POP1: variants seen among roughly 807,000 people sequenced by gnomAD.
POP1 encodes the protein POP1 ribonuclease P/MRP subunit.
A neutral mutation model predicts 102.2 loss-of-function variants in POP1; 75 were observed. That is an observed-to-expected ratio of 0.73 (90% CI 0.61 to 0.89). The LOEUF (loss-of-function observed/expected upper bound fraction) is 0.89. Among genes scored for constraint, POP1 ranks in the 40% least tolerant of loss-of-function variants. POP1 has a pLI of 0.00. For missense variants in POP1, 1,116 were observed against 1,267.4 expected, an observed-to-expected ratio of 0.88 and a Z score of 1.81; for synonymous variants, 436 against 464.1, an observed-to-expected ratio of 0.94 and a Z score of 0.78.
chr8:98,156,014 T>C (rs199872226), intron 14 of POP1, 36 bp from the exon 15 acceptor site: 55 of 1,606,246 alleles, frequency 3.4e-5, no homozygotes, highest in Non-Finnish European at 4.6e-5. Context: ...AATCCTAAAT[T>C]GTTCAACATT....
At position 98,158,011 on chromosome 8, in the gene POP1, G is replaced by A; in HGVS notation, c.2815G>A (p.Gly939Arg). The change falls in exon 16 of 16, where the codon GGG becomes AGG. Residue 939 changes from glycine to arginine, a missense_variant. Coordinates refer to ENST00000401707, the MANE Select transcript of POP1 (RefSeq NM_001145860.2). ...CCCGGCGGGGGAAGAGCCCGTGGCTGGGCAGGAAGCTCTGACTCTAGGGCT... is the reference window on the plus strand; with the variant it reads ...CCCGGCGGGGGAAGAGCCCGTGGCTAGGCAGGAAGCTCTGACTCTAGGGCT... ...DGPAGEEPVA[G>R]QEALTLGLWS... is the part of the protein sequence containing the mutation. 1 of 1,612,126 alleles carries A rather than the reference G, an allele frequency of 6.2e-7. No homozygotes were observed. Among genetic ancestry groups the A allele is most frequent in the Non-Finnish European group, 8.5e-7 (1 of 1,180,018 alleles).
At chr8:98,132,363 G>A (rs1315508927) in intron 5 of POP1, among the ~76,000 whole-genome samples, 1 of 152,192 alleles carries the variant, frequency 6.6e-6, no homozygotes, top group African/African-American at 2.4e-5. Flanking sequence ...TCCACACTCT[G>A]AACCATTATT....
At chr8:98,136,984 T>G in intron 9 of POP1, 30 bp downstream of exon 9, 1 of 1,544,792 alleles carries the variant, frequency 6.5e-7, no homozygotes, top group Non-Finnish European at 9.0e-7. Context: ...TAGTGTTTTA[T>G]TCTAATCATG....
At chr8:98,138,970 A>G (rs546256542) in intron 9 of POP1, among the ~76,000 whole-genome samples, 2 of 150,972 alleles carry the variant, frequency 1.3e-5, no homozygotes, top group African/African-American at 4.9e-5. Context: ...CTCATACCTC[A>G]GCCTCCCGAG....
At chr8:98,128,170 C>T (rs940889361) in intron 3 of POP1, among the ~76,000 whole-genome samples, 195 bp from the exon 4 acceptor site, 3 of 152,150 alleles carry the variant, frequency 2.0e-5, no homozygotes, top group African/African-American at 7.2e-5. Context: ...GTTCTTCACC[C>T]TATGATCCCC....
chr8:98,154,526 C>A (rs952691738), intron 14 of POP1, among the ~76,000 whole-genome samples: 1 of 152,060 alleles, frequency 6.6e-6, no homozygotes, highest in Admixed American at 6.5e-5. Context: ...AGTGACCACA[C>A]CTAAGGTATG....
At position 98,130,348 on chromosome 8, in the gene POP1, C is replaced by T. The variant is rs116498314; in HGVS notation, c.735+122C>T. 1,134 of 1,436,484 alleles carry T rather than the reference C, an allele frequency of 7.9e-4. 3 individuals carry two copies. The African/African-American group carries it at 0.014, about 18-fold the overall frequency. 89.0% of individuals were successfully genotyped at this position (1,436,484 alleles called of 1,614,324 possible). On this transcript the variant is annotated intron_variant, in intron 5 of 15. Transcript: ENST00000401707. ...TGATTATTCATTTTAAAAATAATTC[C>T]TGAGCATGAAGCCCGGGTCCTTTGC...
intron 5 of POP1, among the ~76,000 whole-genome samples, chr8:98,133,087 C>T (rs928604180): frequency 1.9e-4 from 28 of 147,516 alleles, no homozygotes; most frequent in African/African-American, 6.3e-4. Flanking sequence ...TGTGGTGGCT[C>T]GTGCCTGTAG....
chr8:98,148,852 G>A lies in POP1; in HGVS notation c.1748G>A (p.Gly583Glu), dbSNP rs374828868. 4.5e-5 allele frequency: 72 copies of A among 1,613,562 alleles called. No homozygotes were observed. The highest frequency in any genetic ancestry group is 6.0e-5 in the Non-Finnish European group (71 of 1,179,876). The part of the protein sequence containing the change: ...NRMRSELLVP[G>E]SQLILGPHES... ...ATGAGGAGTGAATTGCTGGTGCCTG[G>A]GTCACAGCTTATTTTAGGTCCCCAT... The change falls in exon 13 of 16, where the codon GGG becomes GAG. Residue 583 changes from glycine to glutamate, a missense_variant. Transcript: ENST00000401707.
intron 12 of POP1, 41 bp downstream of exon 12, chr8:98,146,724 ACAGGT>A: frequency 7.3e-7 from 1 of 1,375,296 alleles, no homozygotes; most frequent in Non-Finnish European, 1.0e-6. Flanking sequence ...GTCATGAATG[ACAGGT>A]TAAATATATC....
intron 12 of POP1, among the ~76,000 whole-genome samples, chr8:98,146,981 G>C (rs932378075): frequency 1.3e-5 from 2 of 152,206 alleles, no homozygotes; most frequent in Non-Finnish European, 2.9e-5. Flanking sequence ...TAGAGATAAA[G>C]TAAGAATAAT....
At chr8:98,123,293 G>C in intron 1 of POP1, 43 bp from the exon 2 acceptor site, 1 of 1,599,010 alleles carries the variant, frequency 6.3e-7, no homozygotes, top group Non-Finnish European at 8.5e-7. Context: ...TTTTTGAGTG[G>C]AAGTTTCCTT....
chr8:98,157,810 C>G lies in POP1; in HGVS notation c.2614C>G (p.His872Asp). The change falls in exon 16 of 16, where the codon CAC becomes GAC. Residue 872 changes from histidine to aspartate, a missense_variant. Transcript: ENST00000401707. ...GCTCAGCAAGGGCAGCCCCGAGCCT[C>G]ACACCATGATCTGTGTCCCAGCCAA... ...SLLSKGSPEP[H>D]TMICVPAKED... The G allele has an allele frequency of 1.5e-5, 25 of 1,614,220 alleles. No individual in the cohort carries two copies. The highest frequency in any genetic ancestry group is 2.0e-5 in the Non-Finnish European group (24 of 1,180,048).
chr8:98,150,600 C>T lies in POP1; in HGVS notation c.2018C>T (p.Ala673Val), dbSNP rs146207855. 79 of 1,614,130 alleles carry T rather than the reference C, an allele frequency of 4.9e-5. No individual in the cohort carries two copies. Among genetic ancestry groups the T allele is most frequent in the Admixed American group, 2.2e-4 (13 of 60,024 alleles). ...GACTGCCCTGCCGGGATGCTGTTTGCGGAAGAGCAAGCTAAGAATCTTCTT... is the reference window on the plus strand; with the variant it reads ...GACTGCCCTGCCGGGATGCTGTTTGTGGAAGAGCAAGCTAAGAATCTTCTT... ...FPDCPAGMLF[A>V]EEQAKNLLEK... The change falls in exon 14 of 16, where the codon GCG becomes GTG. Residue 673 changes from alanine to valine, a missense_variant. Ala to Val is a moderately conservative substitution (Grantham distance 64). Coordinates refer to ENST00000401707, the MANE Select transcript of POP1 (RefSeq NM_001145860.2).
intron 13 of POP1, 66 bp from the exon 14 acceptor site, chr8:98,150,419 A>G (rs1809483525): frequency 6.3e-7 from 1 of 1,577,206 alleles, no homozygotes; most frequent in East Asian, 2.2e-5. Context: ...ATTTTCCCCC[A>G]TATAAACATT....
chr8:98,133,808 T>C, intron 5 of POP1, 141 bp from the exon 6 acceptor site: 1 of 740,142 alleles, frequency 1.4e-6, no homozygotes, highest in Non-Finnish European at 2.5e-6. Context: ...AAGGTTTAGA[T>C]TTTGACTTAT....
In POP1 at chr8:98,156,055, C is replaced by T; in HGVS notation, c.2063C>T (p.Pro688Leu). The change falls in exon 15 of 16, where the codon CCT becomes CTT. Residue 688 changes from proline to leucine, a missense_variant. Coordinates refer to ENST00000401707, the MANE Select transcript of POP1 (RefSeq NM_001145860.2). ...TCCTGTATGTTTTTCTTTAGACGCCCTCCTGCAAAACGGCCCAACTACGTT... is the reference window on the plus strand; with the variant it reads ...TCCTGTATGTTTTTCTTTAGACGCCTTCCTGCAAAACGGCCCAACTACGTT... ...KNLLEKYKRR[P>L]PAKRPNYVKL... 1.9e-6 allele frequency: 3 copies of T among 1,613,516 alleles called. No individual in the cohort carries two copies. The highest frequency in any genetic ancestry group is 2.5e-6 in the Non-Finnish European group (3 of 1,180,012).
chr8:98,139,728 C>CA (rs148557625), intron 9 of POP1, among the ~76,000 whole-genome samples: 12,473 of 151,458 alleles, frequency 0.082, 567 homozygotes, highest in Non-Finnish European at 0.11. Flanking sequence ...GAGACTGTGT[C>CA]AAGAAAAAAA....
chr8:98,121,962 G>A (rs1816040313), intron 1 of POP1, among the ~76,000 whole-genome samples: 1 of 152,086 alleles, frequency 6.6e-6, no homozygotes, highest in African/African-American at 2.4e-5. Flanking sequence ...TGGAATTACA[G>A]GCGTGAGCCA....
Sources: allele counts gnomAD v4.1 joint callset (sites outside exome capture counted in the v4.1 genomes callset), GRCh38; gene constraint gnomAD v4.1.1; transcripts MANE v1.5; gene names NCBI Gene and HGNC (gene_info 2026-07-23, HGNC 2026-07-21).